Variants in BCL2 observed in about 807,000 individuals in gnomAD.
BCL2 encodes BCL2 apoptosis regulator.
Under a neutral mutation model 14.2 loss-of-function variants are expected in BCL2, and 1 was observed. The observed-to-expected ratio is 0.07, with a 90% CI of 0.02 to 0.33. The LOEUF is 0.33. Among genes scored for constraint, BCL2 ranks in the 10% least tolerant of loss-of-function variants. The pLI is 0.99. For synonymous variants in BCL2, 151 were observed against 137.2 expected (o/e 1.10, Z -0.70); for missense variants, 247 against 305.9 (o/e 0.81, Z 1.44).
At chr18:63,165,831 C>T (rs1230774850) in intron 2 of BCL2, among the ~76,000 whole-genome samples, 6 of 152,072 alleles carry the variant, frequency 3.9e-5, no homozygotes, top group African/African-American at 9.7e-5. Flanking sequence ...AGGGGATGTC[C>T]GAATAACAAA....
At chr18:63,308,630 C>A (rs926909334) in intron 2 of BCL2, among the ~76,000 whole-genome samples, 2 of 152,244 alleles carry the variant, frequency 1.3e-5, no homozygotes, top group East Asian at 1.9e-4. Context: ...CTAGATTTCT[C>A]TTCAGGAATA....
chr18:63,301,624 G>A lies in BCL2; in HGVS notation c.585+16458C>T, dbSNP rs550390238. On this transcript the variant is annotated intron_variant, in intron 2 of 2. Coordinates refer to ENST00000333681, the MANE Select transcript of BCL2 (RefSeq NM_000633.3). Reference sequence around the variant, plus strand: ...TCAAGAAACAATGATCTCCGAAGGCGCTAATGTATTTTGCAATCATAAAGA... The same window carrying A: ...TCAAGAAACAATGATCTCCGAAGGCACTAATGTATTTTGCAATCATAAAGA... Among the ~76,000 whole-genome samples, 20 of 152,296 alleles carry A rather than the reference G, an allele frequency of 1.3e-4. No homozygotes were observed. The South Asian group carries it at 3.5e-3, about 27-fold the overall frequency.
At chr18:63,278,287 GGAAAAGAAAATGAGGT>G (rs1912214369) in intron 2 of BCL2, among the ~76,000 whole-genome samples, 1 of 152,142 alleles carries the variant, frequency 6.6e-6, no homozygotes, top group Non-Finnish European at 1.5e-5. Flanking sequence ...ATACACTTGA[GGAAAAGAAAATGAGGT>G]GAAGGTCATA....
chr18:63,185,455 G>A (rs925554278), intron 2 of BCL2, among the ~76,000 whole-genome samples: 1 of 152,232 alleles, frequency 6.6e-6, no homozygotes, highest in Non-Finnish European at 1.5e-5. Context: ...GAAAGGATGA[G>A]AAGAGACAAG....
At position 63,224,294 on chromosome 18, in the gene BCL2, T is replaced by C. The variant is rs4987777; in HGVS notation, c.585+93788A>G. On this transcript the variant is annotated intron_variant, in intron 2 of 2. Coordinates refer to ENST00000333681, the MANE Select transcript of BCL2 (RefSeq NM_000633.3). ...ACAGAGAGAACACAGTCTTGACAGA[T>C]TGAAAGACCACAATGATCACTGAGT... 1.4e-3 allele frequency among the ~76,000 whole-genome samples: 219 copies of C among 152,232 alleles called. 6 individuals carry two copies. In the South Asian group the frequency reaches 0.025, roughly 17 times the overall value.
chr18:63,256,597 A>T (rs985497832), intron 2 of BCL2, among the ~76,000 whole-genome samples: 5 of 152,212 alleles, frequency 3.3e-5, no homozygotes, highest in Non-Finnish European at 4.4e-5. Flanking sequence ...ATCTGTATGT[A>T]TCTACTTAAA....
At chr18:63,155,936 G>T (rs1239215968) in intron 2 of BCL2, among the ~76,000 whole-genome samples, 1 of 152,170 alleles carries the variant, frequency 6.6e-6, no homozygotes, top group African/African-American at 2.4e-5. Context: ...TCCCCAGCCA[G>T]TGTGGGCCAT....
intron 2 of BCL2, among the ~76,000 whole-genome samples, chr18:63,140,731 T>C (rs79220150): frequency 0.022 from 3,314 of 152,354 alleles, 94 homozygotes; most frequent in African/African-American, 0.075. Flanking sequence ...CTAAGGGTGA[T>C]GGCTGTATAA....
Position 63,139,369 on chromosome 18 carries a change from T to C in BCL2, c.586-10610A>G, listed in dbSNP as rs187564731. 2.2e-3 allele frequency among the ~76,000 whole-genome samples: 337 copies of C among 152,384 alleles called. 1 individual carries two copies. The highest frequency in any genetic ancestry group is 7.4e-3 in the African/African-American group (308 of 41,592). On this transcript the variant is annotated intron_variant, in intron 2 of 2. Coordinates refer to ENST00000333681, the MANE Select transcript of BCL2 (RefSeq NM_000633.3). ...AACAAGAGAGACTAAAGGCCGTATC[T>C]ATATGACCTTGAAATCTCATCTTCA...
At chr18:63,190,660 G>A (rs1055566248) in intron 2 of BCL2, among the ~76,000 whole-genome samples, 4 of 152,194 alleles carry the variant, frequency 2.6e-5, no homozygotes, top group African/African-American at 7.2e-5. Context: ...CCATGGGCCT[G>A]CCCCAGTAAG....
At chr18:63,257,128 A>G (rs551746620) in intron 2 of BCL2, among the ~76,000 whole-genome samples, 1 of 152,246 alleles carries the variant, frequency 6.6e-6, no homozygotes, top group East Asian at 1.9e-4. Context: ...CAAAATAAAA[A>G]GTTAGCATCT....
In BCL2 at chr18:63,294,648, C is replaced by T. The variant is rs564351225; in HGVS notation, c.585+23434G>A. ...TCACACCACTGCACTCCAGCCTGGG[C>T]GACAGAGTGAGAATCCGCCTCAAAA... On this transcript the variant is annotated intron_variant, in intron 2 of 2. Transcript: ENST00000333681. 5.5e-4 allele frequency among the ~76,000 whole-genome samples: 83 copies of T among 150,860 alleles called. 2 individuals are homozygous for T. In the South Asian group the frequency reaches 7.8e-3, roughly 14 times the overall value.
chr18:63,131,979 A>G (rs778270817), intron 2 of BCL2, among the ~76,000 whole-genome samples: 5 of 152,186 alleles, frequency 3.3e-5, no homozygotes, highest in Non-Finnish European at 7.4e-5. Flanking sequence ...CCCCACACAA[A>G]TAACAGTGCT....
In BCL2 at chr18:63,275,316, T is replaced by C. The variant is rs148780903; in HGVS notation, c.585+42766A>G. On this transcript the variant is annotated intron_variant, in intron 2 of 2. Coordinates refer to ENST00000333681, the MANE Select transcript of BCL2 (RefSeq NM_000633.3). ...GTGAGTTACTGGAGATCATGTTAAA[T>C]AAGGTTAGATTTCATGAAAACACAC... 7.2e-4 allele frequency among the ~76,000 whole-genome samples: 110 copies of C among 151,892 alleles called. 3 individuals carry two copies. In the East Asian group the frequency reaches 0.021, roughly 29 times the overall value.
At chr18:63,145,316 G>A (rs1403438186) in intron 2 of BCL2, among the ~76,000 whole-genome samples, 2 of 152,220 alleles carry the variant, frequency 1.3e-5, no homozygotes, top group Admixed American at 6.5e-5. Flanking sequence ...CACGGACAGA[G>A]CATAAGCCCT....
At chr18:63,277,961 G>C (rs899235810) in intron 2 of BCL2, among the ~76,000 whole-genome samples, 2 of 152,148 alleles carry the variant, frequency 1.3e-5, no homozygotes, top group African/African-American at 4.8e-5. Flanking sequence ...GCCAATATTT[G>C]ATTCTAGAAG....
At chr18:63,248,414 G>A (rs767487023) in intron 2 of BCL2, among the ~76,000 whole-genome samples, 3 of 152,142 alleles carry the variant, frequency 2.0e-5, no homozygotes, top group Non-Finnish European at 2.9e-5. Context: ...TAGACTTCTC[G>A]CCTTAGATTA....
chr18:63,256,495 G>A (rs144141596), intron 2 of BCL2, among the ~76,000 whole-genome samples: 1 of 152,334 alleles, frequency 6.6e-6, no homozygotes, highest in African/African-American at 2.4e-5. Context: ...GGGATTACAG[G>A]CGTGAGCCAC....
chr18:63,161,551 C>A (rs1281556817), intron 2 of BCL2, among the ~76,000 whole-genome samples: 1 of 152,208 alleles, frequency 6.6e-6, no homozygotes, highest in African/African-American at 2.4e-5. Flanking sequence ...ACATACTTCT[C>A]CATATTTCAG....
Sources: gnomAD v4.1 joint callset for allele counts (sites outside exome capture counted in the v4.1 genomes callset) on GRCh38, gnomAD v4.1.1 for gene constraint, MANE v1.5 for transcripts, NCBI Gene and HGNC (gene_info 2026-07-23, HGNC 2026-07-21) for gene names.